MDGA2: variants seen among roughly 807,000 people sequenced by gnomAD.
The protein encoded by MDGA2 is MAM domain containing glycosylphosphatidylinositol anchor 2.
MDGA2 carries 40 observed loss-of-function variants against 117.8 expected under a neutral mutation model. The ratio of observed to expected loss-of-function variants is 0.34; its 90% CI spans 0.26 to 0.44. The LOEUF is 0.44. Among genes scored for constraint, MDGA2 ranks in the 20% least tolerant of loss-of-function variants. The probability of loss-of-function intolerance (pLI) is 1.00; values close to 1 mark genes in which losing one functional copy is unlikely to be tolerated. For synonymous variants in MDGA2, 452 were observed against 439.0 expected (o/e 1.03, Z -0.37); for missense variants, 1,123 against 1,250.6 (o/e 0.90, Z 1.54).
intron 3 of MDGA2, among the ~76,000 whole-genome samples, chr14:47,148,508 T>C (rs1883035724): frequency 6.6e-6 from 1 of 152,190 alleles, no homozygotes; most frequent in African/African-American, 2.4e-5. Context: ...GTTGGCATTT[T>C]TAGTTGATGT....
intron 15 of MDGA2, among the ~76,000 whole-genome samples, chr14:46,850,850 C>T (rs543124574): frequency 6.6e-5 from 10 of 151,662 alleles, no homozygotes; most frequent in Non-Finnish European, 1.3e-4. Context: ...TTGGGAAAGA[C>T]AAAGAAATGC....
At chr14:47,406,923 T>C (rs1345473624) in intron 1 of MDGA2, among the ~76,000 whole-genome samples, 1 of 152,076 alleles carries the variant, frequency 6.6e-6, no homozygotes, top group Non-Finnish European at 1.5e-5. Flanking sequence ...TGTACAAATA[T>C]AGAAATATAT....
At chr14:47,614,172 C>T (rs866662462) in intron 1 of MDGA2, among the ~76,000 whole-genome samples, 7 of 149,412 alleles carry the variant, frequency 4.7e-5, no homozygotes, top group Admixed American at 4.7e-4. Context: ...TCACTGCAAC[C>T]TCTGCCTCCT....
intron 1 of MDGA2, among the ~76,000 whole-genome samples, chr14:47,636,460 AT>A (rs1228116439): frequency 6.6e-6 from 1 of 152,068 alleles, no homozygotes; most frequent in African/African-American, 2.4e-5. Flanking sequence ...TCAACTGAAG[AT>A]ATCTAGCATC....
intron 2 of MDGA2, among the ~76,000 whole-genome samples, chr14:47,241,225 GA>G (rs1235663174): frequency 6.6e-6 from 1 of 151,800 alleles, no homozygotes; most frequent in African/African-American, 2.4e-5. Context: ...TGGGGGAAGG[GA>G]AATACCTTAA....
At chr14:47,600,140 A>G (rs1359167705) in intron 1 of MDGA2, among the ~76,000 whole-genome samples, 1 of 152,096 alleles carries the variant, frequency 6.6e-6, no homozygotes, top group Non-Finnish European at 1.5e-5. Flanking sequence ...TCATGCTTCT[A>G]ATCCCAGCAC....
chr14:47,066,663 A>G (rs76714239), intron 6 of MDGA2, among the ~76,000 whole-genome samples: 1,534 of 152,242 alleles, frequency 0.01, 11 homozygotes, highest in Non-Finnish European at 0.016. Context: ...TATGCTTCAG[A>G]TAATAATCAT....
chr14:47,354,669 T>C (rs943604242), intron 1 of MDGA2, among the ~76,000 whole-genome samples: 2 of 152,132 alleles, frequency 1.3e-5, no homozygotes, highest in African/African-American at 4.8e-5. Flanking sequence ...TTTCTTTACT[T>C]GTTGCAAATA....
intron 1 of MDGA2, among the ~76,000 whole-genome samples, chr14:47,542,564 T>A (rs1405555695): frequency 2.0e-5 from 3 of 152,228 alleles, no homozygotes; most frequent in African/African-American, 4.8e-5. Flanking sequence ...ATACTCTTAC[T>A]GGTAAATTCA....
chr14:47,387,242 T>G (rs541405943), intron 1 of MDGA2, among the ~76,000 whole-genome samples: 43 of 152,274 alleles, frequency 2.8e-4, no homozygotes, highest in Non-Finnish European at 5.7e-4. Context: ...TTTCTTCAGT[T>G]CGCGAACAGG....
At chr14:47,044,028 T>C (rs537318845) in intron 7 of MDGA2, among the ~76,000 whole-genome samples, 1 of 152,204 alleles carries the variant, frequency 6.6e-6, no homozygotes, top group South Asian at 2.1e-4. Flanking sequence ...CATCAGGGTT[T>C]TTCTATTTCT....
chr14:46,995,575 T>G (rs1422127840), intron 8 of MDGA2, among the ~76,000 whole-genome samples: 1 of 152,078 alleles, frequency 6.6e-6, no homozygotes, highest in Non-Finnish European at 1.5e-5. Context: ...GACTATACAT[T>G]TTGCTGAATC....
chr14:47,237,395 C>T (rs72680247), intron 2 of MDGA2, among the ~76,000 whole-genome samples: 2,039 of 152,180 alleles, frequency 0.013, 18 homozygotes, highest in Middle Eastern at 0.041. Context: ...TCTGAATTCA[C>T]CTGAGACAAT....
chr14:47,119,116 T>G (rs1881493722), intron 5 of MDGA2, among the ~76,000 whole-genome samples: 1 of 140,540 alleles, frequency 7.1e-6, no homozygotes, highest in Non-Finnish European at 1.5e-5. Context: ...AGTGGCGCAG[T>G]TTCGGCTCAC....
Position 47,301,295 on chromosome 14 carries a change from C to CCACA in MDGA2, c.420+112_420+115dup, listed in dbSNP as rs71112491. 7 of 951,442 alleles carry CCACA rather than the reference C, an allele frequency of 7.4e-6. No individual in the cohort carries two copies. In the African/African-American group the frequency reaches 1.1e-4, roughly 14 times the overall value. 58.9% of individuals were successfully genotyped at this position (951,442 alleles called of 1,614,324 possible). ...TACACACACACACACCCACACCCAC[C>CCACA]CACACACACACACACACACACACAC... On this transcript the variant is annotated intron_variant, in intron 2 of 16. Coordinates refer to ENST00000399232, the MANE Select transcript of MDGA2 (RefSeq NM_001113498.3).
intron 1 of MDGA2, among the ~76,000 whole-genome samples, chr14:47,466,660 G>C (rs189430926): frequency 1.3e-5 from 2 of 152,168 alleles, no homozygotes; most frequent in Non-Finnish European, 1.5e-5. Context: ...TTGAATTACA[G>C]GGATACCTTT....
intron 11 of MDGA2, 126 bp from the exon 12 acceptor site, chr14:46,877,635 C>A: frequency 1.7e-6 from 1 of 576,308 alleles, no homozygotes; most frequent in Non-Finnish European, 3.0e-6. Flanking sequence ...ATCTTTCCCA[C>A]TGTGGCCATT....
At chr14:47,236,423 G>A (rs1005366754) in intron 2 of MDGA2, among the ~76,000 whole-genome samples, 53 of 152,100 alleles carry the variant, frequency 3.5e-4, no homozygotes, top group African/African-American at 1.3e-3. Flanking sequence ...GGTGTTTGAG[G>A]AAAGTCATGA....
intron 9 of MDGA2, among the ~76,000 whole-genome samples, chr14:46,936,141 T>C (rs1053516496): frequency 3.3e-5 from 5 of 152,116 alleles, no homozygotes; most frequent in Admixed American, 2.0e-4. Flanking sequence ...GTGCCTATGG[T>C]TAAAAGTCAT....
Sources: gnomAD v4.1 joint callset for allele counts (sites outside exome capture counted in the v4.1 genomes callset) on GRCh38, gnomAD v4.1.1 for gene constraint, MANE v1.5 for transcripts, NCBI Gene and HGNC (gene_info 2026-07-23, HGNC 2026-07-21) for gene names.